ANXA10: variants seen among roughly 807,000 people sequenced by gnomAD.
The protein encoded by ANXA10 is annexin A10.
A neutral mutation model predicts 53.5 loss-of-function variants in ANXA10; 49 were observed. That is an observed-to-expected ratio of 0.92 (90% confidence interval 0.73 to 1.16). The LOEUF (loss-of-function observed/expected upper bound fraction) is 1.16. Among genes scored for constraint, ANXA10 ranks in the 50% most tolerant of loss-of-function variants. ANXA10 has a pLI of 0.00. For synonymous variants in ANXA10, 131 were observed against 128.9 expected, an observed-to-expected ratio of 1.02 and a Z score of -0.11; for missense variants, 393 against 394.4, an observed-to-expected ratio of 1.00 and a Z score of 0.03.
chr4:168,142,393 C>G (rs1312184284), intron 3 of ANXA10, among the ~76,000 whole-genome samples: 1 of 152,104 alleles, frequency 6.6e-6, no homozygotes, highest in African/African-American at 2.4e-5. Flanking sequence ...TTAACCATGG[C>G]TGCCCCTCAC....
chr4:168,154,012 G>GCACA (rs1731557565), intron 3 of ANXA10, among the ~76,000 whole-genome samples: 1 of 148,482 alleles, frequency 6.7e-6, no homozygotes, highest in Admixed American at 6.7e-5. Flanking sequence ...ACGCACACAC[G>GCACA]CGCGCGCGCG....
intron 8 of ANXA10, 98 bp from the exon 9 acceptor site, chr4:168,179,114 TAATTA>T: frequency 1.4e-6 from 1 of 731,212 alleles, no homozygotes. Context: ...GTAGTACTTT[TAATTA>T]TTTTATGGAA....
chr4:168,151,921 A>G (rs745975936), intron 3 of ANXA10, among the ~76,000 whole-genome samples: 1 of 152,228 alleles, frequency 6.6e-6, no homozygotes, highest in Non-Finnish European at 1.5e-5. Context: ...CAAATTGCCA[A>G]GAATGACTCC....
At chr4:168,136,944 C>G (rs1731247827) in intron 2 of ANXA10, among the ~76,000 whole-genome samples, 1 of 152,198 alleles carries the variant, frequency 6.6e-6, no homozygotes, top group Non-Finnish European at 1.5e-5. Flanking sequence ...GCTCCAAAAC[C>G]TCAACTCTTG....
At chr4:168,160,455 C>T (rs1379008444) in intron 3 of ANXA10, among the ~76,000 whole-genome samples, 1 of 152,108 alleles carries the variant, frequency 6.6e-6, no homozygotes, top group African/African-American at 2.4e-5. Context: ...TTTATCCAGT[C>T]TATCATTGGG....
rs191391929 is a variant in ANXA10, at chr4:168,160,886, T to C, written c.196-1642T>C. 2.8e-3 allele frequency among the ~76,000 whole-genome samples: 420 copies of C among 152,248 alleles called. 4 individuals carry two copies. The highest frequency in any genetic ancestry group is 0.014 in the Middle Eastern group (4 of 294). The stretch of plus-strand genomic sequence containing the variant: ...TTTGAGAAGTGTCTGTTCATATTTT[T>C]CCCACTTTTTAATGGGGTTGTTTGT... On this transcript the variant is annotated intron_variant, in intron 3 of 11. Transcript: ENST00000359299.
intron 1 of ANXA10, among the ~76,000 whole-genome samples, chr4:168,115,262 C>T (rs1169149546): frequency 6.6e-6 from 1 of 152,076 alleles, no homozygotes. Context: ...ATAACCCTAT[C>T]ATGGGGAAAA....
At chr4:168,102,053 G>A (rs1391374088) in intron 1 of ANXA10, among the ~76,000 whole-genome samples, 2 of 152,076 alleles carry the variant, frequency 1.3e-5, no homozygotes, top group African/African-American at 4.8e-5. Flanking sequence ...TACTCTGTGA[G>A]AAACAACTTT....
intron 1 of ANXA10, among the ~76,000 whole-genome samples, chr4:168,119,721 A>G (rs1324784878): frequency 6.6e-6 from 1 of 152,140 alleles, no homozygotes; most frequent in Non-Finnish European, 1.5e-5. Context: ...TTGAACTTTG[A>G]GAAATAGAAA....
chr4:168,186,048 T>G (rs1035028182), intron 11 of ANXA10, among the ~76,000 whole-genome samples: 1 of 152,232 alleles, frequency 6.6e-6, no homozygotes, highest in Non-Finnish European at 1.5e-5. Context: ...GCATAATTCA[T>G]TTTCTAAATG....
intron 2 of ANXA10, among the ~76,000 whole-genome samples, chr4:168,132,522 T>C (rs1731171292): frequency 6.6e-6 from 1 of 151,980 alleles, no homozygotes; most frequent in African/African-American, 2.4e-5. Flanking sequence ...GGTTCATGGG[T>C]ACAAAAAATA....
At chr4:168,123,532 G>A (rs963545283) in intron 1 of ANXA10, among the ~76,000 whole-genome samples, 1 of 152,148 alleles carries the variant, frequency 6.6e-6, no homozygotes, top group African/African-American at 2.4e-5. Flanking sequence ...GGGGGATGAG[G>A]AATTTGATCA....
intron 3 of ANXA10, among the ~76,000 whole-genome samples, chr4:168,156,205 ATTATATTATATG>A: frequency 1.7e-4 from 3 of 17,706 alleles, no homozygotes; most frequent in Non-Finnish European, 2.8e-4. Flanking sequence ...TATAATATAT[ATTATATTATATG>A]TAATATGTAT....
chr4:168,139,501 T>C lies in ANXA10; in HGVS notation c.116T>C (p.Met39Thr). Residue 39 changes from methionine (M) to threonine (T), a missense_variant, in exon 3 of 12, where the codon ATG becomes ACG. Physicochemically the swap from Met to Thr is moderately conservative, Grantham distance 81. Transcript: ENST00000359299. Reference protein sequence around the residue: ...ALQGFDCDKDMLINILTQRCN... With the variant: ...ALQGFDCDKDTLINILTQRCN... ...TCTTTTCCAGACTGTGACAAAGACA[T>C]GCTGATCAACATTCTGACTCAGCGC... 6.2e-7 allele frequency: 1 copy of C among 1,612,632 alleles called. No individual in the cohort carries two copies.
rs79482903 is a variant in ANXA10 at position 168,145,394 on chromosome 4, G to A, written c.195+5814G>A. ...GTTAGTCTTGCAAAGGCAGCCAAGG[G>A]GATTTGTTTTAGAAAAGGGCTGTTA... On this transcript the variant is annotated intron_variant, in intron 3 of 11. Coordinates refer to ENST00000359299, the MANE Select transcript of ANXA10 (RefSeq NM_007193.5). Among the ~76,000 whole-genome samples, 1,027 of 152,294 alleles carry A rather than the reference G, an allele frequency of 6.7e-3. 8 individuals are homozygous for A. The highest frequency in any genetic ancestry group is 0.023 in the African/African-American group (973 of 41,548).
At chr4:168,165,013 T>C (rs1731849814) in intron 5 of ANXA10, among the ~76,000 whole-genome samples, 1 of 152,182 alleles carries the variant, frequency 6.6e-6, no homozygotes, top group African/African-American at 2.4e-5. Context: ...GAAATGACTC[T>C]CAATCCTGTT....
chr4:168,147,974 G>A (rs773760694), intron 3 of ANXA10, among the ~76,000 whole-genome samples: 43 of 152,184 alleles, frequency 2.8e-4, no homozygotes, highest in Admixed American at 1.8e-3. Flanking sequence ...CTGTACAGTG[G>A]CTGTGCACAC....
At chr4:168,124,668 G>A (rs1731040731) in intron 1 of ANXA10, among the ~76,000 whole-genome samples, 1 of 152,162 alleles carries the variant, frequency 6.6e-6, no homozygotes, top group Non-Finnish European at 1.5e-5. Context: ...GGCAAGAATG[G>A]GATGTAATTA....
chr4:168,184,841 G>A (rs546042827), intron 11 of ANXA10, among the ~76,000 whole-genome samples, 160 bp downstream of exon 11: 2 of 152,222 alleles, frequency 1.3e-5, no homozygotes, highest in East Asian at 1.9e-4. Flanking sequence ...TTAGAACATC[G>A]GCAGGTGCTA....
Sources: gnomAD v4.1 joint callset for allele counts (sites outside exome capture counted in the v4.1 genomes callset) on GRCh38, gnomAD v4.1.1 for gene constraint, MANE v1.5 for transcripts, NCBI Gene and HGNC (gene_info 2026-07-23, HGNC 2026-07-21) for gene names.